CAMK1D: variants seen among roughly 807,000 people sequenced by gnomAD.
CAMK1D encodes the protein calcium/calmodulin-dependent protein kinase type 1D.
In CAMK1D, 9 loss-of-function variants were observed where a neutral mutation model predicts 47.7. That is an observed-to-expected ratio of 0.19 (90% confidence interval 0.11 to 0.33). The LOEUF (loss-of-function observed/expected upper bound fraction) is 0.33, where lower values mean the gene tolerates loss of function less well. Among genes scored for constraint, CAMK1D ranks in the 10% least tolerant of loss-of-function variants. CAMK1D has a pLI of 1.00. For missense variants in CAMK1D, 291 were observed against 488.7 expected, an observed-to-expected ratio of 0.60 and a Z score of 3.81; for synonymous variants, 184 against 184.9, an observed-to-expected ratio of 0.99 and a Z score of 0.04.
chr10:12,763,141 C>T (rs1013049388), intron 4 of CAMK1D, among the ~76,000 whole-genome samples: 8 of 152,110 alleles, frequency 5.3e-5, no homozygotes, highest in Non-Finnish European at 1.2e-4. Context: ...GATCACCGGG[C>T]CTGTCGTTAC....
intron 6 of CAMK1D, among the ~76,000 whole-genome samples, chr10:12,802,528 T>G (rs1838527776): frequency 6.6e-6 from 1 of 152,188 alleles, no homozygotes; most frequent in African/African-American, 2.4e-5. Context: ...CTTCATTTCT[T>G]TCTTTTTTTT....
chr10:12,549,104 C>T (rs1331588448), intron 1 of CAMK1D, among the ~76,000 whole-genome samples: 1 of 152,120 alleles, frequency 6.6e-6, no homozygotes, highest in African/African-American at 2.4e-5. Context: ...GGTCTGCCCG[C>T]CTTGGCCTCC....
In CAMK1D at chr10:12,814,260, C is replaced by T. The variant is rs1257797457; in HGVS notation, c.707C>T (p.Ala236Val). 11 of 1,613,898 alleles carry T rather than the reference C, an allele frequency of 6.8e-6. No individual in the cohort carries two copies. The highest frequency in any genetic ancestry group is 2.2e-5 in the East Asian group (1 of 44,862). The change falls in exon 7 of 11, where the codon GCG becomes GTG. Residue 236 changes from alanine (A) to valine (V), a missense_variant. Physicochemically the swap from Ala to Val is moderately conservative, Grantham distance 64. Around this residue, in one of 2 missense-constraint regions of CAMK1D, gnomAD observed 219 missense variants for 424.3 expected, o/e 0.52. Transcript: ENST00000619168. ...AAGCTCTTTGAGCAGATCCTCAAGG[C>T]GGAATATGAGTTTGACTCTCCCTAC... ...DSKLFEQILK[A>V]EYEFDSPYWD...
At chr10:12,616,059 A>G (rs1379553115) in intron 2 of CAMK1D, among the ~76,000 whole-genome samples, 1 of 150,204 alleles carries the variant, frequency 6.7e-6, no homozygotes, top group Non-Finnish European at 1.5e-5. Flanking sequence ...GTGTTGGTTT[A>G]TGATAGGCGT....
At chr10:12,459,436 C>G (rs1833359270) in intron 1 of CAMK1D, among the ~76,000 whole-genome samples, 1 of 151,930 alleles carries the variant, frequency 6.6e-6, no homozygotes, top group Admixed American at 6.6e-5. Flanking sequence ...TGTGACGAGT[C>G]TATTTTTTTC....
At chr10:12,678,692 T>G (rs1310117352) in intron 3 of CAMK1D, among the ~76,000 whole-genome samples, 1 of 152,230 alleles carries the variant, frequency 6.6e-6, no homozygotes, top group African/African-American at 2.4e-5. Context: ...TTACGTCTAC[T>G]TGGTGAATTA....
At chr10:12,464,439 G>C (rs746382175) in intron 1 of CAMK1D, among the ~76,000 whole-genome samples, 10 of 152,240 alleles carry the variant, frequency 6.6e-5, no homozygotes, top group African/African-American at 1.7e-4. Flanking sequence ...CCATTTGATC[G>C]TGTGGCTTTA....
chr10:12,801,411 TCATTCATCAACCCATCCTTCCATTC>T (rs1838471947), intron 6 of CAMK1D, among the ~76,000 whole-genome samples: 1 of 143,430 alleles, frequency 7.0e-6, no homozygotes, highest in Admixed American at 7.2e-5. Flanking sequence ...TCTGTCCATC[TCATTCATCAACCCATCCTTCCATTC>T]ATCCATCCAT....
chr10:12,627,679 T>C (rs1839260999), intron 2 of CAMK1D, among the ~76,000 whole-genome samples: 1 of 152,240 alleles, frequency 6.6e-6, no homozygotes, highest in Admixed American at 6.5e-5. Context: ...GCATAATGTT[T>C]TTGAGCTTCA....
Position 12,814,557 on chromosome 10 carries a change from T to A in CAMK1D, c.754+250T>A, listed in dbSNP as rs1832726858. On this transcript the variant is annotated intron_variant, in intron 7 of 10. Transcript: ENST00000619168. ...CATTGAGCATCTGGTGAGGGCCCAC[T>A]TTCTGGTTCATAGACTGCTTTCTTC... Among the ~76,000 whole-genome samples the A allele has an allele frequency of 1.3e-5, 2 of 152,168 alleles. 1 individual carries two copies.
At chr10:12,442,880 A>G (rs1832821840) in intron 1 of CAMK1D, among the ~76,000 whole-genome samples, 1 of 152,240 alleles carries the variant, frequency 6.6e-6, no homozygotes, top group Admixed American at 6.5e-5. Context: ...CCAAAATTTA[A>G]CCATGACAAG....
chr10:12,771,384 C>T (rs770442491), intron 5 of CAMK1D, among the ~76,000 whole-genome samples: 2 of 152,190 alleles, frequency 1.3e-5, no homozygotes, highest in African/African-American at 4.8e-5. Flanking sequence ...TGAGGAGAGC[C>T]GGCCTCAAAC....
chr10:12,809,326 A>T (rs1165265532), intron 6 of CAMK1D, among the ~76,000 whole-genome samples: 2 of 152,194 alleles, frequency 1.3e-5, no homozygotes, highest in Non-Finnish European at 2.9e-5. Flanking sequence ...GTGTGGGTGT[A>T]GACTCTATGG....
chr10:12,387,409 ATATATATTT>A (rs1207416018), intron 1 of CAMK1D, among the ~76,000 whole-genome samples: 1,608 of 37,964 alleles, frequency 0.042, 53 homozygotes, highest in African/African-American at 0.064. Context: ...TTTATATATT[ATATATATTT>A]TATATATTTT....
At chr10:12,679,904 A>G (rs1340567998) in intron 3 of CAMK1D, among the ~76,000 whole-genome samples, 1 of 152,176 alleles carries the variant, frequency 6.6e-6, no homozygotes, top group Non-Finnish European at 1.5e-5. Context: ...CTGTGATACC[A>G]AAGCATGCTG....
intron 1 of CAMK1D, among the ~76,000 whole-genome samples, chr10:12,465,864 A>G (rs960279350): frequency 6.6e-6 from 1 of 152,110 alleles, no homozygotes; most frequent in Non-Finnish European, 1.5e-5. Flanking sequence ...CTAACTTGAG[A>G]CCCATACTCT....
At chr10:12,414,469 CTGA>C (rs1467458411) in intron 1 of CAMK1D, among the ~76,000 whole-genome samples, 6 of 152,312 alleles carry the variant, frequency 3.9e-5, no homozygotes, top group Admixed American at 3.9e-4. Flanking sequence ...GCTCGAGTTT[CTGA>C]TCTGCCATGT....
intron 2 of CAMK1D, among the ~76,000 whole-genome samples, chr10:12,619,210 G>T (rs1285146603): frequency 6.6e-6 from 1 of 152,144 alleles, no homozygotes; most frequent in Non-Finnish European, 1.5e-5. Context: ...ATCCCATAAA[G>T]CTGGCATTAC....
intron 3 of CAMK1D, among the ~76,000 whole-genome samples, chr10:12,723,536 A>G (rs1283996060): frequency 6.6e-6 from 1 of 152,226 alleles, no homozygotes; most frequent in Non-Finnish European, 1.5e-5. Context: ...AGGAATTGCA[A>G]TATGGTACAG....
Sources: gnomAD v4.1 joint callset for allele counts (sites outside exome capture counted in the v4.1 genomes callset) on GRCh38, gnomAD v4.1.1 for gene constraint, gnomAD v4.1.1 regional missense constraint, MANE v1.5 for transcripts, NCBI Gene and HGNC (gene_info 2026-07-23, HGNC 2026-07-21) for gene names.